CELF2: variants seen among roughly 807,000 people sequenced by gnomAD.
CELF2 encodes CUG triplet repeat RNA-binding protein 2.
In CELF2, 8 loss-of-function variants were observed where a neutral mutation model predicts 62.6. The ratio of observed to expected loss-of-function variants is 0.13; its 90% CI spans 0.07 to 0.23. CELF2 has a LOEUF of 0.23. CELF2 is among the 10% of genes least tolerant of loss of function. The pLI, the probability that CELF2 is intolerant of heterozygous loss-of-function variation, is 1.00. For missense variants in CELF2, 333 were observed against 671.0 expected, an observed-to-expected ratio of 0.50 and a Z score of 5.56; for synonymous variants, 258 against 250.0, an observed-to-expected ratio of 1.03 and a Z score of -0.30.
the CELF2 span, among the ~76,000 whole-genome samples, chr10:10,740,080 G>A: frequency 6.8e-6 from 1 of 146,342 alleles, no homozygotes; most frequent in South Asian, 2.2e-4. Flanking sequence ...TTTTCATTGT[G>A]TTGATTGTTT....
At chr10:10,801,846 G>T (rs1421740875) in intron 1 of CELF2, among the ~76,000 whole-genome samples, 1 of 152,152 alleles carries the variant, frequency 6.6e-6, no homozygotes, top group African/African-American at 2.4e-5. Flanking sequence ...TTTAGGAGAT[G>T]ATCTGTTTGC....
At position 10,816,335 on chromosome 10, in the gene CELF2, G is replaced by T. The variant is rs576503847; in HGVS notation, c.53+17518G>T. Among the ~76,000 whole-genome samples the T allele has an allele frequency of 2.0e-5, 3 of 152,212 alleles. No individual in the cohort carries two copies. In the South Asian group the frequency reaches 6.2e-4, roughly 32 times the overall value. On this transcript the variant is annotated intron_variant, in intron 1 of 13. Transcript: ENST00000636488. ...CATTCAGGTAATTTTGTGTTATAGG[G>T]TGACTCTAGGAGCTGGCTTCTGCTT... is the stretch of plus-strand genomic sequence containing the variant.
intron 2 of CELF2, among the ~76,000 whole-genome samples, chr10:11,197,938 A>G (rs1250567281): frequency 6.6e-6 from 1 of 152,214 alleles, no homozygotes; most frequent in Non-Finnish European, 1.5e-5. Flanking sequence ...GGCAGTTGCA[A>G]GATAGTGTAT....
the CELF2 span, among the ~76,000 whole-genome samples, chr10:10,494,821 T>C: frequency 6.6e-6 from 1 of 152,172 alleles, no homozygotes; most frequent in Non-Finnish European, 1.5e-5. Flanking sequence ...TAAAAATTAA[T>C]ATGAATCTAC....
At chr10:10,807,418 A>C (rs1460424021) in intron 1 of CELF2, among the ~76,000 whole-genome samples, 1 of 152,210 alleles carries the variant, frequency 6.6e-6, no homozygotes, top group East Asian at 1.9e-4. Context: ...TTTATGTGTC[A>C]TTCTCAAATA....
At chr10:10,599,103 C>T in the CELF2 span, among the ~76,000 whole-genome samples, 1 of 152,078 alleles carries the variant, frequency 6.6e-6, no homozygotes, top group Non-Finnish European at 1.5e-5. Flanking sequence ...TCTCTTTCTT[C>T]CCTCATGCCC....
intron 1 of CELF2, among the ~76,000 whole-genome samples, chr10:11,137,250 G>A (rs558961323): frequency 2.0e-5 from 3 of 152,300 alleles, no homozygotes; most frequent in East Asian, 3.9e-4. Flanking sequence ...GAAGATCCTC[G>A]CTTGGGAGTT....
In CELF2 at chr10:11,277,803, C is replaced by A. The variant is rs192433862; in HGVS notation, c.841+2683C>A. Among the ~76,000 whole-genome samples, 4 of 152,260 alleles carry A rather than the reference C, an allele frequency of 2.6e-5. No individual in the cohort carries two copies. In the East Asian group the frequency reaches 7.7e-4, roughly 29 times the overall value. The stretch of plus-strand genomic sequence containing the variant: ...CCCGAGAGGTTATTTATCCCAAACA[C>A]CACCTGATGTTACAGTGCTTATTGA... On this transcript the variant is annotated intron_variant, in intron 8 of 12. Coordinates refer to ENST00000633077, the MANE Select transcript of CELF2 (RefSeq NM_001326342.2).
chr10:10,496,814 G>C, the CELF2 span, among the ~76,000 whole-genome samples: 1 of 152,132 alleles, frequency 6.6e-6, no homozygotes, highest in African/African-American at 2.4e-5. Context: ...GTTTGGGGGT[G>C]TGGAGGTTCA....
chr10:10,502,386 A>G, the CELF2 span, among the ~76,000 whole-genome samples: 24 of 152,134 alleles, frequency 1.6e-4, no homozygotes, highest in South Asian at 4.1e-4. Context: ...AAATTCTCCA[A>G]TGAAACCCTC....
chr10:10,526,097 G>A, the CELF2 span, among the ~76,000 whole-genome samples: 4 of 152,176 alleles, frequency 2.6e-5, no homozygotes, highest in African/African-American at 9.7e-5. Flanking sequence ...TTCACATATA[G>A]ATGTTGATGT....
At chr10:11,216,370 T>TA (rs1433102293) in intron 2 of CELF2, among the ~76,000 whole-genome samples, 3 of 152,210 alleles carry the variant, frequency 2.0e-5, no homozygotes, top group African/African-American at 7.2e-5. Context: ...CTCCGTGCGT[T>TA]ATGTTCCTTT....
At chr10:10,753,808 C>T in the CELF2 span, among the ~76,000 whole-genome samples, 3 of 152,114 alleles carry the variant, frequency 2.0e-5, no homozygotes, top group Non-Finnish European at 4.4e-5. Context: ...AAACATGGCC[C>T]CTTCTTGAGG....
intron 1 of CELF2, among the ~76,000 whole-genome samples, chr10:10,904,939 G>A (rs1175986833): frequency 5.3e-5 from 8 of 151,962 alleles, no homozygotes; most frequent in Admixed American, 3.3e-4. Flanking sequence ...CTCTCATTTC[G>A]TCCTTTAGAT....
the CELF2 span, among the ~76,000 whole-genome samples, chr10:10,595,522 G>T: frequency 1.3e-5 from 2 of 152,156 alleles, no homozygotes; most frequent in Admixed American, 6.5e-5. Context: ...AACAAGGATG[G>T]GGTGGAAGCA....
rs115099590 is a variant in CELF2, at chr10:11,223,340, C to T, written c.354+5833C>T. ...GGTGTGAACTCTCCTTGTGGAGCAC[C>T]CCAGCATACAAACGTGTGGAACATA... On this transcript the variant is annotated intron_variant, in intron 3 of 12. Coordinates refer to ENST00000633077, the MANE Select transcript of CELF2 (RefSeq NM_001326342.2). This position sits in a 1 kb window ranked among gnomAD's most constrained non-coding sequence, Gnocchi z 5.1. Among the ~76,000 whole-genome samples, 793 of 152,298 alleles carry T rather than the reference C, an allele frequency of 5.2e-3. 4 individuals carry two copies. Among genetic ancestry groups the T allele is most frequent in the African/African-American group, 0.018 (763 of 41,556 alleles).
In CELF2 at chr10:10,928,948, AGT is replaced by A. The variant is rs1345884247; in HGVS notation, c.89+8952_89+8953del. On this transcript the variant is annotated intron_variant, in intron 2 of 13. Transcript: ENST00000636488. This position sits in a 1 kb window ranked among gnomAD's most constrained non-coding sequence, Gnocchi z 4.8. Reference sequence around the variant, plus strand: ...GAATAGATGTTTAAATGAATTAATAAGTGTTTGAATGGATTAATAAATGTTTA... The same window carrying A: ...GAATAGATGTTTAAATGAATTAATAAGTTTGAATGGATTAATAAATGTTTA... Among the ~76,000 whole-genome samples, 1 of 152,218 alleles carries A rather than the reference AGT, an allele frequency of 6.6e-6. No homozygotes were observed. Among genetic ancestry groups the A allele is most frequent in the Non-Finnish European group, 1.5e-5 (1 of 68,036 alleles).
chr10:10,808,834 A>C (rs1294396672), intron 1 of CELF2, among the ~76,000 whole-genome samples: 4 of 152,240 alleles, frequency 2.6e-5, no homozygotes, highest in African/African-American at 7.2e-5. Flanking sequence ...TATCAAGAGC[A>C]TACCACTCAT....
intron 2 of CELF2, among the ~76,000 whole-genome samples, chr10:11,185,787 T>G (rs1474863707): frequency 1.3e-5 from 2 of 152,250 alleles, no homozygotes; most frequent in Non-Finnish European, 2.9e-5. Context: ...TCGGGAAGAA[T>G]ATTTTTCTGT....
Sources: gnomAD v4.1 joint callset for allele counts (sites outside exome capture counted in the v4.1 genomes callset) on GRCh38, gnomAD v4.1.1 for gene constraint, Gnocchi (gnomAD v3.1) non-coding constraint, MANE v1.5 for transcripts, NCBI Gene and HGNC (gene_info 2026-07-23, HGNC 2026-07-21) for gene names.